Variants in CNTNAP2 observed in about 807,000 individuals in gnomAD.
The protein encoded by CNTNAP2 is contactin associated protein 2.
CNTNAP2 carries 98 observed loss-of-function variants against 155.2 expected under a neutral mutation model. The ratio of observed to expected loss-of-function variants is 0.63; its 90% CI spans 0.54 to 0.75. The LOEUF (loss-of-function observed/expected upper bound fraction) is 0.75, where lower values mean the gene tolerates loss of function less well. CNTNAP2 is among the 30% of genes least tolerant of loss of function. CNTNAP2 has a pLI of 0.00. For missense variants in CNTNAP2, 1,727 were observed against 1,688.1 expected (o/e 1.02, Z -0.40); for synonymous variants, 651 against 631.2 (o/e 1.03, Z -0.47).
intron 3 of CNTNAP2, among the ~76,000 whole-genome samples, chr7:147,029,117 C>G (rs1798978954): frequency 6.6e-6 from 1 of 151,904 alleles, no homozygotes; most frequent in Non-Finnish European, 1.5e-5. Flanking sequence ...GCACCCGCCA[C>G]CACGCCCAGC....
At chr7:148,131,099 T>C (rs986538898) in intron 16 of CNTNAP2, among the ~76,000 whole-genome samples, 38 of 134,518 alleles carry the variant, frequency 2.8e-4, no homozygotes, top group Non-Finnish European at 5.2e-4. Flanking sequence ...TTTTTTTTTT[T>C]TTTTTTTTTT....
intron 1 of CNTNAP2, among the ~76,000 whole-genome samples, chr7:146,532,545 A>T (rs1387236371): frequency 1.3e-5 from 2 of 152,168 alleles, no homozygotes; most frequent in Non-Finnish European, 2.9e-5. Flanking sequence ...CTAGCCTCAC[A>T]ACCTTATGTC....
chr7:146,962,542 T>TTTTG (rs931373434), intron 3 of CNTNAP2, among the ~76,000 whole-genome samples: 18 of 152,222 alleles, frequency 1.2e-4, no homozygotes, highest in Non-Finnish European at 2.4e-4. Flanking sequence ...AACATAGTTT[T>TTTTG]TTTGTTTGTT....
chr7:146,265,439 C>CT (rs899983219), intron 1 of CNTNAP2, among the ~76,000 whole-genome samples: 6 of 144,634 alleles, frequency 4.1e-5, no homozygotes, highest in Middle Eastern at 3.6e-3. Context: ...AGTAGATTTT[C>CT]TTTTTTTTTC....
rs7804175 is a variant in CNTNAP2 at position 147,300,522 on chromosome 7, T to C, written c.1498+232T>C. On this transcript the variant is annotated intron_variant, in intron 9 of 23. Coordinates refer to ENST00000361727, the MANE Select transcript of CNTNAP2 (RefSeq NM_014141.6). The stretch of plus-strand genomic sequence containing the variant: ...ATTCTTCTGGCCTAATTTAAATCAT[T>C]GAAGTATAAAAAAGGAGATTCTAAA... 0.029 allele frequency among the ~76,000 whole-genome samples: 4,369 copies of C among 152,284 alleles called. 218 individuals are homozygous for C. The highest frequency in any genetic ancestry group is 0.1 in the African/African-American group (4,157 of 41,550).
chr7:147,010,156 T>G (rs1239418655), intron 3 of CNTNAP2, among the ~76,000 whole-genome samples: 1 of 151,856 alleles, frequency 6.6e-6, no homozygotes, highest in African/African-American at 2.4e-5. Flanking sequence ...ATTACAGGCA[T>G]GCGCAACCAC....
intron 10 of CNTNAP2, among the ~76,000 whole-genome samples, chr7:147,416,216 C>T (rs2116498652): frequency 6.6e-6 from 1 of 152,316 alleles, no homozygotes; most frequent in Non-Finnish European, 1.5e-5. Flanking sequence ...GTTTCTCAAC[C>T]TGTGGCCACA....
intron 15 of CNTNAP2, among the ~76,000 whole-genome samples, chr7:148,069,461 G>A (rs1302036354): frequency 6.6e-6 from 1 of 151,966 alleles, no homozygotes; most frequent in South Asian, 2.1e-4. Flanking sequence ...AGGGACATAA[G>A]CAATCAAAAA....
intron 3 of CNTNAP2, among the ~76,000 whole-genome samples, chr7:146,945,857 ACAAT>A (rs1169377149): frequency 1.6e-4 from 25 of 152,178 alleles, no homozygotes; most frequent in Admixed American, 1.3e-4. Flanking sequence ...CAGAAAGAGT[ACAAT>A]GATCATTTTC....
At chr7:147,412,122 T>C (rs891109218) in intron 10 of CNTNAP2, among the ~76,000 whole-genome samples, 24 of 152,212 alleles carry the variant, frequency 1.6e-4, no homozygotes, top group African/African-American at 5.8e-4. Context: ...GTTCTTATTC[T>C]GACCTCCTAC....
intron 3 of CNTNAP2, among the ~76,000 whole-genome samples, chr7:146,855,428 A>G (rs1239921686): frequency 6.6e-6 from 1 of 152,142 alleles, no homozygotes; most frequent in East Asian, 1.9e-4. Flanking sequence ...ATTGGAAACT[A>G]TCTTTATGAT....
At chr7:146,195,817 T>A (rs1798767167) in intron 1 of CNTNAP2, among the ~76,000 whole-genome samples, 1 of 152,214 alleles carries the variant, frequency 6.6e-6, no homozygotes, top group Non-Finnish European at 1.5e-5. Context: ...CTCAGAATGA[T>A]GTCAGCATTT....
At chr7:147,834,577 A>G (rs573467778) in intron 13 of CNTNAP2, among the ~76,000 whole-genome samples, 4 of 152,188 alleles carry the variant, frequency 2.6e-5, no homozygotes, top group East Asian at 3.9e-4. Context: ...TGGGTCTTTC[A>G]TAGACACCTA....
At chr7:147,741,358 C>T (rs1584932016) in intron 13 of CNTNAP2, among the ~76,000 whole-genome samples, 1 of 152,164 alleles carries the variant, frequency 6.6e-6, no homozygotes, top group Non-Finnish European at 1.5e-5. Flanking sequence ...CTGTAAAAGA[C>T]AATTTGCTGC....
chr7:147,053,792 T>G (rs1799513057), intron 4 of CNTNAP2, among the ~76,000 whole-genome samples: 1 of 152,078 alleles, frequency 6.6e-6, no homozygotes, highest in African/African-American at 2.4e-5. Flanking sequence ...ATATACACAT[T>G]TTGGTGCCTG....
chr7:147,719,368 T>C (rs1183187126), intron 13 of CNTNAP2, among the ~76,000 whole-genome samples: 1 of 152,058 alleles, frequency 6.6e-6, no homozygotes, highest in Non-Finnish European at 1.5e-5. Context: ...TTGAACAAAT[T>C]AAAGGGAATC....
Position 146,930,609 on chromosome 7 carries a change from C to G in CNTNAP2, c.402+90705C>G, listed in dbSNP as rs146862345. On this transcript the variant is annotated intron_variant, in intron 3 of 23. Coordinates refer to ENST00000361727, the MANE Select transcript of CNTNAP2 (RefSeq NM_014141.6). Reference sequence around the variant, plus strand: ...AATATTAACTTTAAATGTAAATGGACTAAATTCTCCAATTAAAAGACACAG... The same window carrying G: ...AATATTAACTTTAAATGTAAATGGAGTAAATTCTCCAATTAAAAGACACAG... Among the ~76,000 whole-genome samples, 270 of 152,238 alleles carry G rather than the reference C, an allele frequency of 1.8e-3. 9 individuals are homozygous for G. The East Asian group carries it at 0.049, about 27-fold the overall frequency.
intron 13 of CNTNAP2, among the ~76,000 whole-genome samples, chr7:147,791,629 C>G (rs1052827442): frequency 2.0e-5 from 3 of 152,114 alleles, no homozygotes; most frequent in African/African-American, 7.2e-5. Context: ...CAATGCAACA[C>G]AGTTTGCACT....
chr7:147,949,440 G>GTGTATATATATATATATATATA (rs374972144), intron 14 of CNTNAP2, among the ~76,000 whole-genome samples: 56 of 127,380 alleles, frequency 4.4e-4, no homozygotes, highest in South Asian at 8.7e-4. Context: ...TCAACTGTGT[G>GTGTATATATATATATATATATA]TATATATATA....
Sources: allele counts gnomAD v4.1 joint callset (sites outside exome capture counted in the v4.1 genomes callset), GRCh38; gene constraint gnomAD v4.1.1; transcripts MANE v1.5; gene names NCBI Gene and HGNC (gene_info 2026-07-23, HGNC 2026-07-21).